CSMD1: variants seen among roughly 807,000 people sequenced by gnomAD.
CSMD1 encodes CUB and sushi domain-containing protein 1.
Under a neutral mutation model 417.5 loss-of-function variants are expected in CSMD1, and 213 were observed. That is an observed-to-expected ratio of 0.51 (90% confidence interval 0.46 to 0.57). The LOEUF (loss-of-function observed/expected upper bound fraction) is 0.57, where lower values mean the gene tolerates loss of function less well. Among genes scored for constraint, CSMD1 ranks in the 20% least tolerant of loss-of-function variants. The probability of loss-of-function intolerance (pLI) is 0.00; values close to 1 mark genes in which losing one functional copy is unlikely to be tolerated. For missense variants in CSMD1, 6,923 were observed against 4,529.7 expected, an observed-to-expected ratio of 1.53 and a Z score of -15.17; for synonymous variants, 2,862 against 1,736.8, an observed-to-expected ratio of 1.65 and a Z score of -16.11.
At position 3,631,429 on chromosome 8, in the gene CSMD1, G is replaced by A. The variant is rs184977038; in HGVS notation, c.1010-14632C>T. On this transcript the variant is annotated intron_variant, in intron 7 of 69. Coordinates refer to ENST00000635120, the MANE Select transcript of CSMD1 (RefSeq NM_033225.6). ...GCCAGCCCGTGGCTGAGCCTGGAGC[G>A]TTGTGAACATTTTGAGGTCAAGAAT... Among the ~76,000 whole-genome samples, 759 of 152,298 alleles carry A rather than the reference G, an allele frequency of 5.0e-3. 8 individuals carry two copies. The highest frequency in any genetic ancestry group is 0.018 in the African/African-American group (734 of 41,570).
intron 23 of CSMD1, among the ~76,000 whole-genome samples, chr8:3,309,378 G>A (rs73503712): frequency 0.019 from 2,822 of 146,530 alleles, 88 homozygotes; most frequent in African/African-American, 0.064. Context: ...GATGGTGCAT[G>A]GTTATGAGGC....
chr8:3,499,335 C>A (rs374469354), intron 10 of CSMD1, among the ~76,000 whole-genome samples: 1 of 152,024 alleles, frequency 6.6e-6, no homozygotes, highest in African/African-American at 2.4e-5. Flanking sequence ...AGCTCTAATG[C>A]AGATGGAGAC....
chr8:3,446,646 T>C (rs1268109918), intron 12 of CSMD1, among the ~76,000 whole-genome samples: 1 of 152,110 alleles, frequency 6.6e-6, no homozygotes, highest in Non-Finnish European at 1.5e-5. Flanking sequence ...GTTTGGGGAA[T>C]CTAGTTAGGA....
chr8:4,993,348 A>G (rs1478282333), intron 1 of CSMD1, among the ~76,000 whole-genome samples: 2 of 137,486 alleles, frequency 1.5e-5, no homozygotes, highest in African/African-American at 5.0e-5. Flanking sequence ...GGACAGGGGC[A>G]GGTATTTCCA....
intron 3 of CSMD1, among the ~76,000 whole-genome samples, chr8:4,044,781 G>A (rs6988995): frequency 3.4e-5 from 1 of 29,804 alleles, no homozygotes; most frequent in African/African-American, 8.0e-5. Flanking sequence ...TAGCCGTGTA[G>A]CACCCTGAGG....
At chr8:4,644,133 C>T (rs1803371374) in intron 1 of CSMD1, among the ~76,000 whole-genome samples, 1 of 152,176 alleles carries the variant, frequency 6.6e-6, no homozygotes, top group African/African-American at 2.4e-5. Flanking sequence ...TTGAAGGGAG[C>T]TCTTACACTC....
intron 1 of CSMD1, among the ~76,000 whole-genome samples, chr8:4,802,155 A>T (rs991316153): frequency 1.3e-4 from 20 of 152,220 alleles, no homozygotes; most frequent in African/African-American, 4.6e-4. Flanking sequence ...GAGCAATTGC[A>T]CAAAGGAACT....
chr8:4,452,528 C>A (rs559407622), intron 2 of CSMD1, among the ~76,000 whole-genome samples: 47 of 152,252 alleles, frequency 3.1e-4, no homozygotes, highest in Middle Eastern at 3.4e-3. Flanking sequence ...ATTAACTCAA[C>A]AATTATAAAA....
chr8:3,155,184 G>C (rs1203817828), intron 39 of CSMD1, among the ~76,000 whole-genome samples: 1 of 151,940 alleles, frequency 6.6e-6, no homozygotes, highest in Non-Finnish European at 1.5e-5. Context: ...TTGAGTCTAT[G>C]TCTGCTTAGA....
chr8:3,350,993 T>C (rs1325787676), intron 21 of CSMD1, among the ~76,000 whole-genome samples: 1 of 152,212 alleles, frequency 6.6e-6, no homozygotes, highest in Non-Finnish European at 1.5e-5. Flanking sequence ...CTTTGCCTTT[T>C]AGAAAAAATC....
At chr8:4,950,200 T>C (rs115033183) in intron 1 of CSMD1, among the ~76,000 whole-genome samples, 1 of 152,298 alleles carries the variant, frequency 6.6e-6, no homozygotes, top group African/African-American at 2.4e-5. Flanking sequence ...TACCAATGTC[T>C]TCTGAAAAGT....
At chr8:3,699,367 A>C (rs527580186) in intron 7 of CSMD1, among the ~76,000 whole-genome samples, 7 of 152,206 alleles carry the variant, frequency 4.6e-5, no homozygotes, top group African/African-American at 1.2e-4. Context: ...TTATTTAATT[A>C]TTTGTGCTTT....
intron 26 of CSMD1, among the ~76,000 whole-genome samples, chr8:3,271,943 C>G (rs1324011009): frequency 6.6e-6 from 1 of 152,112 alleles, no homozygotes; most frequent in Admixed American, 6.6e-5. Context: ...AATTAGATCC[C>G]ATTTGTCAAT....
intron 5 of CSMD1, among the ~76,000 whole-genome samples, chr8:3,786,340 TGAGACCACGGGCTTGG>T: frequency 6.6e-6 from 1 of 152,174 alleles, no homozygotes; most frequent in African/African-American, 2.4e-5. Flanking sequence ...GGAGGGTCAC[TGAGACCACGGGCTTGG>T]GTGACCTCAT....
At chr8:4,062,492 A>C (rs777011395) in intron 3 of CSMD1, among the ~76,000 whole-genome samples, 4 of 152,180 alleles carry the variant, frequency 2.6e-5, no homozygotes, top group African/African-American at 7.2e-5. Flanking sequence ...ATAAATAAAC[A>C]ATAACCATTC....
At chr8:3,485,445 G>C (rs1027138319) in intron 11 of CSMD1, among the ~76,000 whole-genome samples, 1 of 151,718 alleles carries the variant, frequency 6.6e-6, no homozygotes, top group Non-Finnish European at 1.5e-5. Context: ...GGAACTTTGG[G>C]GTATTAGAAA....
At chr8:4,493,727 C>T (rs1157831589) in intron 2 of CSMD1, among the ~76,000 whole-genome samples, 1 of 152,056 alleles carries the variant, frequency 6.6e-6, no homozygotes, top group African/African-American at 2.4e-5. Context: ...AAAACAAAAA[C>T]CTAATAATTC....
intron 23 of CSMD1, among the ~76,000 whole-genome samples, chr8:3,338,213 C>T (rs1179738528): frequency 6.6e-6 from 1 of 152,188 alleles, no homozygotes; most frequent in Non-Finnish European, 1.5e-5. Flanking sequence ...CACGTGTATG[C>T]CTGTCTCATC....
At chr8:3,497,919 T>C (rs1248929168) in intron 10 of CSMD1, among the ~76,000 whole-genome samples, 1 of 152,236 alleles carries the variant, frequency 6.6e-6, no homozygotes, top group Non-Finnish European at 1.5e-5. Context: ...GTCTTCACAA[T>C]GGTGGTTATC....
Sources: allele counts gnomAD v4.1 joint callset (sites outside exome capture counted in the v4.1 genomes callset), GRCh38; gene constraint gnomAD v4.1.1; transcripts MANE v1.5; gene names NCBI Gene and HGNC (gene_info 2026-07-23, HGNC 2026-07-21).